The following AP4M1 variants were observed in gnomAD, a reference collection of about 807,000 sequenced individuals.
AP4M1 encodes the protein AP-4 complex subunit mu-1.
In AP4M1, 58 loss-of-function variants were observed where a neutral mutation model predicts 62.4. The ratio of observed to expected loss-of-function variants is 0.93; its 90% CI spans 0.75 to 1.16. The LOEUF (loss-of-function observed/expected upper bound fraction) is 1.16. AP4M1 is among the 50% of genes most tolerant of loss of function. The probability of loss-of-function intolerance (pLI) is 0.00; values close to 1 mark genes in which losing one functional copy is unlikely to be tolerated. For synonymous variants in AP4M1, 290 were observed against 239.7 expected (o/e 1.21, Z -1.94); for missense variants, 626 against 585.4 (o/e 1.07, Z -0.72).
In AP4M1 at chr7:100,108,923, T is replaced by G. The variant is rs576896895; in HGVS notation, c.*2041T>G. The G allele has an allele frequency of 1.7e-3, 258 of 152,630 alleles. No homozygotes were observed. Among genetic ancestry groups the G allele is most frequent in the African/African-American group, 6.5e-3 (240 of 36,782 alleles). 9.5% of individuals were successfully genotyped at this position (152,630 alleles called of 1,614,324 possible). ...CCTGTAGTCCCAGCTACTGGGGAGG[T>G]TGAGGTACTAGAATGCTTGAACCCA... is the stretch of plus-strand genomic sequence containing the variant. On this transcript the variant is annotated 3_prime_UTR_variant, in exon 15 of 15. Transcript: ENST00000359593.
rs376599831 is a variant in AP4M1, at chr7:100,107,277, G to T, written c.*395G>T. 3.3e-6 allele frequency: 5 copies of T among 1,524,042 alleles called. No homozygotes were observed. In the African/African-American group the frequency reaches 5.6e-5, roughly 17 times the overall value. The allele number at this position is 1,524,042 out of a possible 1,614,324, so 94.4% of individuals were successfully genotyped here. A position where few individuals can be genotyped will look rare whatever the true frequency, so the allele number is the denominator to read the frequency against. On this transcript the variant is annotated 3_prime_UTR_variant, in exon 15 of 15. Transcript: ENST00000359593. Reference sequence around the variant, plus strand: ...AGCAGGCTGAGGGGAGCCGGAGTTGGGCTGGGAGCCATTGGCTTTTGGAGT... The same window carrying T: ...AGCAGGCTGAGGGGAGCCGGAGTTGTGCTGGGAGCCATTGGCTTTTGGAGT...
chr7:100,107,165 G>T lies in AP4M1; in HGVS notation c.*283G>T. 1 of 1,503,816 alleles carries T rather than the reference G, an allele frequency of 6.6e-7. No homozygotes were observed. The highest frequency in any genetic ancestry group is 8.9e-7 in the Non-Finnish European group (1 of 1,126,292). The allele number at this position is 1,503,816 out of a possible 1,614,324, so 93.2% of individuals were successfully genotyped here. On this transcript the variant is annotated 3_prime_UTR_variant, in exon 15 of 15. Coordinates refer to ENST00000359593, the MANE Select transcript of AP4M1 (RefSeq NM_004722.4). ...AGGAAGCAATCTACAACTTCCTTCC[G>T]CTTAGCGAGCATGCATGTGTGTACG...
chr7:100,102,473 A>C, intron 2 of AP4M1: 1 of 631,100 alleles, frequency 1.6e-6, no homozygotes, highest in Non-Finnish European at 2.9e-6. Flanking sequence ...GCGTGACTCC[A>C]TCCTCAGCAA....
chr7:100,108,001 G>A lies in AP4M1; in HGVS notation c.*1119G>A, dbSNP rs770983026. 9.9e-6 allele frequency: 16 copies of A among 1,614,022 alleles called. No individual in the cohort carries two copies. The South Asian group carries it at 1.4e-4, about 14-fold the overall frequency. The stretch of plus-strand genomic sequence containing the variant: ...TTGGAGGAGGGGAAGGCTGTGGTGG[G>A]GCAGCCGCTCGTGCAGACACCAGTG... On this transcript the variant is annotated 3_prime_UTR_variant, in exon 15 of 15. Transcript: ENST00000359593.
Position 100,108,828 on chromosome 7 carries a change from A to C in AP4M1, c.*1946A>C, listed in dbSNP as rs1796861318. On this transcript the variant is annotated 3_prime_UTR_variant, in exon 15 of 15. Coordinates refer to ENST00000359593, the MANE Select transcript of AP4M1 (RefSeq NM_004722.4). The stretch of plus-strand genomic sequence containing the variant: ...GGTGGGTGGATCACTTGAGGTCAAG[A>C]GCCTGGCCAAAATGGAGAAACCTCA... 3.6e-6 allele frequency: 1 copy of C among 278,256 alleles called. No individual in the cohort carries two copies. Among genetic ancestry groups the C allele is most frequent in the African/African-American group, 2.2e-5 (1 of 45,424 alleles). 17.2% of individuals were successfully genotyped at this position (278,256 alleles called of 1,614,324 possible).
Position 100,108,141 on chromosome 7 carries a change from A to G in AP4M1, c.*1259A>G. On this transcript the variant is annotated 3_prime_UTR_variant, in exon 15 of 15. Transcript: ENST00000359593. ...GGCCGGGGCTGCGGGGAGAAGAGGA[A>G]AGGGGGAAGTGGCACCATCTACTAA... 1 of 1,580,186 alleles carries G rather than the reference A, an allele frequency of 6.3e-7. No individual in the cohort carries two copies. Among genetic ancestry groups the G allele is most frequent in the Non-Finnish European group, 8.6e-7 (1 of 1,167,426 alleles).
At position 100,105,320 on chromosome 7, in the gene AP4M1, C is replaced by T; in HGVS notation, c.808C>T (p.Leu270Phe). The T allele has an allele frequency of 1.2e-6, 2 of 1,614,150 alleles. No individual in the cohort carries two copies. The highest frequency in any genetic ancestry group is 1.7e-6 in the Non-Finnish European group (2 of 1,180,040). The change falls in exon 10 of 15, where the codon CTC becomes TTC. Residue 270 changes from leucine to phenylalanine, a missense_variant. Physicochemically the swap from Leu to Phe is conservative, Grantham distance 22. Coordinates refer to ENST00000359593, the MANE Select transcript of AP4M1 (RefSeq NM_004722.4). ...NLDEFESHRI[L>F]RLQPPQGELT... ...GGACGAATTTGAGTCTCATCGAATC[C>T]TCCGCTTGCAACCACCTCAGGGCGA... is the stretch of plus-strand genomic sequence containing the variant.
chr7:100,101,013 C>T (rs1795988005), upstream of AP4M1: 1 of 790,106 alleles, frequency 1.3e-6, no homozygotes, highest in African/African-American at 1.8e-5. Flanking sequence ...TTAGCGCGCC[C>T]CCAAGCCCCC....
Position 100,108,551 on chromosome 7 carries a change from GAAAA to G in AP4M1, c.*1673_*1676del, listed in dbSNP as rs934943423. 19 of 1,582,426 alleles carry G rather than the reference GAAAA, an allele frequency of 1.2e-5. No homozygotes were observed. The Admixed American group carries it at 2.3e-4, about 19-fold the overall frequency. ...AGGAGCACAGTGTTTCTGCAGAACA[GAAAA>G]AAAGCCAGGTAGAGGGAGGGCTGGG... On this transcript the variant is annotated 3_prime_UTR_variant, in exon 15 of 15. Transcript: ENST00000359593.
rs920980177 is a variant in AP4M1 at position 100,108,249 on chromosome 7, G to A, written c.*1367G>A. Reference sequence around the variant, plus strand: ...ACTAGGGCTGGGGCATCCTCACTCAGGGCCTGGTTGCCCTGAGACTACTGA... The same window carrying A: ...ACTAGGGCTGGGGCATCCTCACTCAAGGCCTGGTTGCCCTGAGACTACTGA... On this transcript the variant is annotated 3_prime_UTR_variant, in exon 15 of 15. Coordinates refer to ENST00000359593, the MANE Select transcript of AP4M1 (RefSeq NM_004722.4). 2 of 1,464,078 alleles carry A rather than the reference G, an allele frequency of 1.4e-6. No homozygotes were observed. Among genetic ancestry groups the A allele is most frequent in the Non-Finnish European group, 1.8e-6 (2 of 1,103,530 alleles). The allele number at this position is 1,464,078 out of a possible 1,614,324, so 90.7% of individuals were successfully genotyped here.
rs767438489 is a variant in AP4M1, at chr7:100,106,870, C to T, written c.1350C>T (p.Val450=). 5 of 1,612,998 alleles carry T rather than the reference C, an allele frequency of 3.1e-6. No homozygotes were observed. The African/African-American group carries it at 4.0e-5, about 13-fold the overall frequency. ...VRHLSHSDAY[V]IRI is the part of the protein sequence containing the mutation. Reference sequence around the variant, plus strand: ...ACCTAAGCCACAGCGACGCCTATGTCATTCGGATCTGAGGCTCCCCAAACG... The same window carrying T: ...ACCTAAGCCACAGCGACGCCTATGTTATTCGGATCTGAGGCTCCCCAAACG... The change falls in exon 15 of 15, where the codon GTC becomes GTT. Residue 450 remains valine (V), a synonymous_variant. Transcript: ENST00000359593.
chr7:100,107,842 C>T lies in AP4M1; in HGVS notation c.*960C>T, dbSNP rs1470043758. On this transcript the variant is annotated 3_prime_UTR_variant, in exon 15 of 15. Transcript: ENST00000359593. ...CTCTTGACTTGGGGCCCAGAGGGGACTGTGCTCTACTCCTGGGCCTCCCCA... is the reference window on the plus strand; with the variant it reads ...CTCTTGACTTGGGGCCCAGAGGGGATTGTGCTCTACTCCTGGGCCTCCCCA... 4 of 1,493,484 alleles carry T rather than the reference C, an allele frequency of 2.7e-6. No individual in the cohort carries two copies. The East Asian group carries it at 9.2e-5, about 34-fold the overall frequency. 92.5% of individuals were successfully genotyped at this position (1,493,484 alleles called of 1,614,324 possible).
At position 100,101,905 on chromosome 7, in the gene AP4M1, T is replaced by C. The variant is rs777732581; in HGVS notation, c.84T>C (p.Asp28=). The C allele has an allele frequency of 1.2e-5, 19 of 1,612,956 alleles. No individual in the cohort carries two copies. The Admixed American group carries it at 3.2e-4, about 27-fold the overall frequency. Residue 28 remains aspartate, a synonymous_variant, in exon 2 of 15, where the codon GAT becomes GAC. Transcript: ENST00000359593. ...KDFRGDSGGR[D]VAELFYRKLT... is the part of the protein sequence containing the mutation. ...TCCGCGGGGACAGTGGCGGCCGGGA[T>C]GTGGCCGAGCTCTTCTACCGGAAGC...
chr7:100,101,535 C>G (rs1262963935), upstream of AP4M1: 2 of 792,614 alleles, frequency 2.5e-6, no homozygotes, highest in African/African-American at 1.7e-5. Flanking sequence ...GCGGTGCGGG[C>G]GTCGGAAGGG....
At position 100,108,955 on chromosome 7, in the gene AP4M1, G is replaced by GTC. The variant is rs111401705; in HGVS notation, c.*2073_*2074insTC. The GTC allele has an allele frequency of 0.031, 4,905 of 157,378 alleles. 283 individuals carry two copies. Among genetic ancestry groups the GTC allele is most frequent in the African/African-American group, 0.11 (4,637 of 41,282 alleles). The allele number at this position is 157,378 out of a possible 1,614,324, so 9.7% of individuals were successfully genotyped here. ...ACTAGAATGCTTGAACCCAGGTGGT[G>GTC]GAGGCTGCAGTGAGCAGAGGTTGCA... On this transcript the variant is annotated 3_prime_UTR_variant, in exon 15 of 15. Transcript: ENST00000359593.
chr7:100,107,884 C>T lies in AP4M1; in HGVS notation c.*1002C>T. 6.4e-7 allele frequency: 1 copy of T among 1,568,880 alleles called. No homozygotes were observed. ...GCCTCCCCAGGGTGCTCTGAGGTAA[C>T]CCAGGCCCTCCAGATGCTCCCTGTC... On this transcript the variant is annotated 3_prime_UTR_variant, in exon 15 of 15. Transcript: ENST00000359593.
At chr7:100,102,123 G>C (rs1796094420) in intron 2 of AP4M1, 155 bp downstream of exon 2, 1 of 822,910 alleles carries the variant, frequency 1.2e-6, no homozygotes, top group African/African-American at 1.7e-5. Context: ...GCTCACGCCT[G>C]TAATCCCAGC....
chr7:100,103,887 C>CAAAAAAAAAAAAAA (rs10671291), intron 6 of AP4M1, among the ~76,000 whole-genome samples, 195 bp downstream of exon 6: 4 of 92,028 alleles, frequency 4.3e-5, no homozygotes, highest in East Asian at 3.2e-4. Flanking sequence ...ACTAAAAATG[C>CAAAAAAAAAAAAAA]AAAAAAAAAA....
upstream of AP4M1, chr7:100,101,289 T>G: frequency 6.2e-7 from 1 of 1,613,280 alleles, no homozygotes; most frequent in African/African-American, 1.3e-5. Flanking sequence ...AGTCCTTCAG[T>G]GCCATCGCTG....
Sources: gnomAD v4.1 joint callset for allele counts (sites outside exome capture counted in the v4.1 genomes callset) on GRCh38, gnomAD v4.1.1 for gene constraint, MANE v1.5 for transcripts, NCBI Gene and HGNC (gene_info 2026-07-23, HGNC 2026-07-21) for gene names.